NFKBIZ: variants seen among roughly 807,000 people sequenced by gnomAD.
The protein encoded by NFKBIZ is NFKB inhibitor zeta.
Under a neutral mutation model 76.8 loss-of-function variants are expected in NFKBIZ, and 19 were observed. The ratio of observed to expected loss-of-function variants is 0.25; its 90% CI spans 0.17 to 0.36. The LOEUF is 0.36. Ranked by LOEUF, NFKBIZ falls within the 10% of genes least tolerant of loss-of-function variation. The pLI, the probability that NFKBIZ is intolerant of heterozygous loss-of-function variation, is 1.00. For missense variants in NFKBIZ, 829 were observed against 910.9 expected, an observed-to-expected ratio of 0.91 and a Z score of 1.16; for synonymous variants, 368 against 354.8, an observed-to-expected ratio of 1.04 and a Z score of -0.42.
At chr3:101,857,757 C>G in intron 11 of NFKBIZ, 1 of 985,360 alleles carries the variant, frequency 1.0e-6, no homozygotes, top group Non-Finnish European at 1.2e-6. Flanking sequence ...AGAGAAGATA[C>G]CAAGGTTCCT....
chr3:101,857,972 C>G (rs1195951245), intron 11 of NFKBIZ: 1 of 825,292 alleles, frequency 1.2e-6, no homozygotes, highest in African/African-American at 1.9e-5. Flanking sequence ...TAATTTCAAA[C>G]CTAGAAATAT....
intron 2 of NFKBIZ, among the ~76,000 whole-genome samples, chr3:101,835,180 T>C (rs1942702284): frequency 6.6e-6 from 1 of 152,142 alleles, no homozygotes; most frequent in Admixed American, 6.5e-5. Context: ...AAAAGAGTCT[T>C]AGAGAAATTA....
Position 101,853,542 on chromosome 3 carries a change from G to A in NFKBIZ, c.1016G>A (p.Ser339Asn), listed in dbSNP as rs767317773. 25 of 1,614,220 alleles carry A rather than the reference G, an allele frequency of 1.5e-5. No individual in the cohort carries two copies. The Admixed American group carries it at 3.5e-4, about 23-fold the overall frequency. Reference sequence around the variant, plus strand: ...GAATCACAGTTTTGCCCAAACCAAAGCTTAGTTTCCCTTCTTGGTGATCAA... The same window carrying A: ...GAATCACAGTTTTGCCCAAACCAAAACTTAGTTTCCCTTCTTGGTGATCAA... Reference protein sequence around the residue: ...GPESQFCPNQSLVSLLGDQRE... With the variant: ...GPESQFCPNQNLVSLLGDQRE... The change falls in exon 5 of 12, where the codon AGC becomes AAC. Residue 339 changes from serine (S) to asparagine (N), a missense_variant. Physicochemically the swap from Ser to Asn is conservative, Grantham distance 46. Around this residue, in one of 4 missense-constraint regions of NFKBIZ, gnomAD observed 371 missense variants for 332.3 expected, o/e 1.12. Transcript: ENST00000326172.
chr3:101,836,524 A>G (rs1942722785), intron 2 of NFKBIZ, among the ~76,000 whole-genome samples: 1 of 152,196 alleles, frequency 6.6e-6, no homozygotes, highest in Non-Finnish European at 1.5e-5. Flanking sequence ...CTTTCTGTTC[A>G]GTACTGTATT....
chr3:101,850,015 T>G (rs1942925950), intron 1 of NFKBIZ, 98 bp downstream of exon 1: 3 of 1,163,940 alleles, frequency 2.6e-6, no homozygotes, highest in Non-Finnish European at 3.3e-6. Context: ...TGCGCCCTCC[T>G]TAGAGCTAGG....
chr3:101,832,555 T>A (rs1942660944), intron 2 of NFKBIZ, among the ~76,000 whole-genome samples: 1 of 152,230 alleles, frequency 6.6e-6, no homozygotes, highest in South Asian at 2.1e-4. Flanking sequence ...GTAAGTGGAA[T>A]CATATAATAC....
chr3:101,834,784 T>C (rs899368311), intron 2 of NFKBIZ, among the ~76,000 whole-genome samples: 10 of 152,234 alleles, frequency 6.6e-5, no homozygotes, highest in African/African-American at 2.2e-4. Flanking sequence ...ACCTGTCACA[T>C]TGACTGTTGC....
rs202097473 is a variant in NFKBIZ, at chr3:101,854,500, G to GTT, written c.1338-78_1338-77insTT. 189 of 824,658 alleles carry GTT rather than the reference G, an allele frequency of 2.3e-4. 1 individual carries two copies. Among genetic ancestry groups the GTT allele is most frequent in the African/African-American group, 2.1e-3 (115 of 55,378 alleles). The allele number at this position is 824,658 out of a possible 1,614,324, so 51.1% of individuals were successfully genotyped here. ...ATATATAAAAAGGGGGCTAAAGGAA[G>GTT]ATTTTTTTTTTTTTTTCAAAAGAAC... is the stretch of plus-strand genomic sequence containing the variant. On this transcript the variant is annotated intron_variant, in intron 5 of 11. Coordinates refer to ENST00000326172, the MANE Select transcript of NFKBIZ (RefSeq NM_031419.4).
At chr3:101,829,398 AC>A (rs1942613335) in intron 1 of NFKBIZ, among the ~76,000 whole-genome samples, 1 of 152,134 alleles carries the variant, frequency 6.6e-6, no homozygotes, top group Non-Finnish European at 1.5e-5. Flanking sequence ...GAGGAGGCAA[AC>A]CCTTCTCTTT....
chr3:101,845,009 T>C (rs1007498168), upstream of NFKBIZ, among the ~76,000 whole-genome samples: 1 of 152,134 alleles, frequency 6.6e-6, no homozygotes, highest in African/African-American at 2.4e-5. Flanking sequence ...GGCTCACGCC[T>C]GTAATCTCAG....
At chr3:101,858,035 TATC>T in intron 11 of NFKBIZ, 1 of 851,012 alleles carries the variant, frequency 1.2e-6, no homozygotes, top group Non-Finnish European at 1.4e-6. Context: ...GGTTATATAT[TATC>T]ATTGAGTATT....
At chr3:101,830,590 C>A (rs1340067208) in intron 2 of NFKBIZ, among the ~76,000 whole-genome samples, 2 of 152,158 alleles carry the variant, frequency 1.3e-5, no homozygotes, top group Non-Finnish European at 2.9e-5. Flanking sequence ...GTTTTCTGTT[C>A]CTGTGTTAAT....
rs948433716 is a variant in NFKBIZ, at chr3:101,860,144, C to A, written c.*773C>A. 1.3e-5 allele frequency: 2 copies of A among 150,828 alleles called. No homozygotes were observed. The highest frequency in any genetic ancestry group is 2.9e-5 in the Non-Finnish European group (2 of 67,878). 9.3% of individuals were successfully genotyped at this position (150,828 alleles called of 1,614,324 possible). A position where few individuals can be genotyped will look rare whatever the true frequency, so the allele number is the denominator to read the frequency against. On this transcript the variant is annotated 3_prime_UTR_variant, in exon 12 of 12. Coordinates refer to ENST00000326172, the MANE Select transcript of NFKBIZ (RefSeq NM_031419.4). ...AATTGTAAAGATGCTTTTTCTCATGCATTGAAATTATACATTATTTGTAGG... is the reference window on the plus strand; with the variant it reads ...AATTGTAAAGATGCTTTTTCTCATGAATTGAAATTATACATTATTTGTAGG...
chr3:101,845,294 CT>C (rs759102672), upstream of NFKBIZ, among the ~76,000 whole-genome samples: 2,972 of 131,094 alleles, frequency 0.023, 35 homozygotes, highest in Non-Finnish European at 0.032. Context: ...AATCCAATTC[CT>C]TTTTTTTTTT....
At chr3:101,830,019 T>C (rs1269246972) in intron 2 of NFKBIZ, among the ~76,000 whole-genome samples, 2 of 152,158 alleles carry the variant, frequency 1.3e-5, no homozygotes, top group African/African-American at 4.8e-5. Flanking sequence ...AGTTTCAGGG[T>C]TATGTAATCT....
At chr3:101,828,661 C>G (rs1942594682) in intron 1 of NFKBIZ, among the ~76,000 whole-genome samples, 2 of 152,248 alleles carry the variant, frequency 1.3e-5, no homozygotes, top group South Asian at 4.2e-4. Context: ...CTCATTCATT[C>G]TTACAGCTGT....
intron 2 of NFKBIZ, 27 bp downstream of exon 2, chr3:101,852,251 A>G (rs1942975576): frequency 6.2e-7 from 1 of 1,611,834 alleles, no homozygotes. Flanking sequence ...TGTTTTGAGT[A>G]TAGAGTTGGG....
chr3:101,852,341 T>C, intron 2 of NFKBIZ, 117 bp downstream of exon 2: 1 of 1,271,638 alleles, frequency 7.9e-7, no homozygotes. Context: ...TTTCATAAGA[T>C]GACAAAGTCC....
chr3:101,849,649 G>A lies in NFKBIZ; in HGVS notation c.21G>A (p.Leu7=), dbSNP rs755558511. 6.0e-4 allele frequency: 842 copies of A among 1,398,730 alleles called. No individual in the cohort carries two copies. Among genetic ancestry groups the A allele is most frequent in the Non-Finnish European group, 7.3e-4 (792 of 1,086,128 alleles). The allele number at this position is 1,398,730 out of a possible 1,614,324, so 86.6% of individuals were successfully genotyped here. A position where few individuals can be genotyped will look rare whatever the true frequency, so the allele number is the denominator to read the frequency against. MIVDKL[L]DDSRGGEGLR... is the part of the protein sequence containing the mutation. ...GGAGCATGATTGTGGACAAGCTGCT[G>A]GACGACAGCCGCGGCGGAGAGGGGC... The change falls in exon 1 of 12, where the codon CTG becomes CTA. Residue 7 remains leucine, a synonymous_variant. Coordinates refer to ENST00000326172, the MANE Select transcript of NFKBIZ (RefSeq NM_031419.4).
Sources: gnomAD v4.1 joint callset for allele counts (sites outside exome capture counted in the v4.1 genomes callset) on GRCh38, gnomAD v4.1.1 for gene constraint, gnomAD v4.1.1 regional missense constraint, MANE v1.5 for transcripts, NCBI Gene and HGNC (gene_info 2026-07-23, HGNC 2026-07-21) for gene names.